The following PGR variants were observed in gnomAD, a reference collection of about 807,000 sequenced individuals.
PGR encodes the protein progesterone receptor, also known as nuclear receptor subfamily 3 group C member 3.
In PGR, 25 loss-of-function variants were observed where a neutral mutation model predicts 76.1. The ratio of observed to expected loss-of-function variants is 0.33; its 90% CI spans 0.24 to 0.46. The LOEUF is 0.46. Among genes scored for constraint, PGR ranks in the 20% least tolerant of loss-of-function variants. The pLI is 1.00. For synonymous variants in PGR, 579 were observed against 535.0 expected (o/e 1.08, Z -1.14); for missense variants, 1,172 against 1,225.3 (o/e 0.96, Z 0.65).
rs746231488 is a variant in PGR, at chr11:101,039,097, T to C, written c.*19A>G. 3 of 1,603,094 alleles carry C rather than the reference T, an allele frequency of 1.9e-6. No homozygotes were observed. Among genetic ancestry groups the C allele is most frequent in the Non-Finnish European group, 2.6e-6 (3 of 1,171,064 alleles). On this transcript the variant is annotated 3_prime_UTR_variant, in exon 8 of 8. Transcript: ENST00000325455. ...AGACATACCACAAAATTTAATTCTT[T>C]AAAAGAAAAAGATGACATTCACTTT...
At chr11:101,061,893 T>C (rs1860514508) in intron 4 of PGR, among the ~76,000 whole-genome samples, 1 of 152,196 alleles carries the variant, frequency 6.6e-6, no homozygotes, top group African/African-American at 2.4e-5. Context: ...CTGGGCGATA[T>C]ACTCTCTTTG....
rs570241374 is a variant in PGR at position 101,058,390 on chromosome 11, G to A, written c.2212+4057C>T. 2.6e-5 allele frequency among the ~76,000 whole-genome samples: 4 copies of A among 151,912 alleles called. No individual in the cohort carries two copies. The South Asian group carries it at 6.2e-4, about 24-fold the overall frequency. On this transcript the variant is annotated intron_variant, in intron 4 of 7. Coordinates refer to ENST00000325455, the MANE Select transcript of PGR (RefSeq NM_000926.4). ...ATAATTTAATTTAGTCTTCTGATTC[G>A]GGAAGGAAGAGAAAAAATCCTCTGT...
chr11:101,051,588 A>G lies in PGR; in HGVS notation c.2213-20T>C. ...GAAAACCTACAAAACAAATTTAAAAATACAGTGACCATAAAAATGACTGAA... is the reference window on the plus strand; with the variant it reads ...GAAAACCTACAAAACAAATTTAAAAGTACAGTGACCATAAAAATGACTGAA... On this transcript the variant is annotated intron_variant, in intron 4 of 7. Transcript: ENST00000325455. The G allele has an allele frequency of 6.4e-7, 1 of 1,564,942 alleles. No individual in the cohort carries two copies. The highest frequency in any genetic ancestry group is 8.8e-7 in the Non-Finnish European group (1 of 1,136,288).
intron 3 of PGR, among the ~76,000 whole-genome samples, chr11:101,080,896 G>A (rs896713959): frequency 1.3e-5 from 2 of 151,888 alleles, no homozygotes; most frequent in African/African-American, 4.8e-5. Context: ...CTTGAAGGCT[G>A]GTCTTGTGAA....
intron 2 of PGR, among the ~76,000 whole-genome samples, chr11:101,100,558 C>A (rs1337444139): frequency 6.6e-6 from 1 of 151,706 alleles, no homozygotes; most frequent in African/African-American, 2.4e-5. Flanking sequence ...GTCTACAAAG[C>A]AGGTTTTGTT....
rs747345185 is a variant in PGR, at chr11:101,039,277, G to C, written c.2647-6C>G. On this transcript the variant is annotated splice_polypyrimidine_tract_variant and splice_region_variant and intron_variant, in intron 7 of 7. Coordinates refer to ENST00000325455, the MANE Select transcript of PGR (RefSeq NM_000926.4). ...AGATGAAGTTGTTTGACAAGCTGTT[G>C]GTTTAACAAATGAGTAGAAAACATG... The C allele has an allele frequency of 1.9e-6, 3 of 1,602,682 alleles. No individual in the cohort carries two copies. Among genetic ancestry groups the C allele is most frequent in the Admixed American group, 1.7e-5 (1 of 59,770 alleles).
intron 3 of PGR, among the ~76,000 whole-genome samples, chr11:101,065,593 G>A (rs1280182298): frequency 6.6e-6 from 1 of 152,254 alleles, no homozygotes; most frequent in Non-Finnish European, 1.5e-5. Context: ...AGTTTAGAAT[G>A]ACTTTGTATT....
chr11:101,112,585 A>C (rs973961404), intron 2 of PGR, among the ~76,000 whole-genome samples: 13 of 152,182 alleles, frequency 8.5e-5, no homozygotes, highest in African/African-American at 3.1e-4. Flanking sequence ...AAGTGAGGAC[A>C]GGGGAGTGCT....
intron 2 of PGR, among the ~76,000 whole-genome samples, chr11:101,118,411 A>G (rs1031010218): frequency 6.6e-6 from 1 of 152,222 alleles, no homozygotes; most frequent in African/African-American, 2.4e-5. Flanking sequence ...TACTCACTAC[A>G]TGTGTATTCT....
At chr11:101,099,255 A>G (rs1393567371) in intron 2 of PGR, among the ~76,000 whole-genome samples, 1 of 152,226 alleles carries the variant, frequency 6.6e-6, no homozygotes, top group Non-Finnish European at 1.5e-5. Context: ...GTCTAGCTCC[A>G]TGCAAAATGT....
intron 3 of PGR, among the ~76,000 whole-genome samples, chr11:101,081,851 A>C (rs560531380): frequency 6.6e-6 from 1 of 152,238 alleles, no homozygotes; most frequent in Non-Finnish European, 1.5e-5. Flanking sequence ...AAAACACAAT[A>C]GAAACAACAA....
intron 2 of PGR, among the ~76,000 whole-genome samples, chr11:101,099,549 T>G: frequency 6.6e-6 from 1 of 151,942 alleles, no homozygotes; most frequent in South Asian, 2.1e-4. Flanking sequence ...TCAATAAAAG[T>G]TTCTTTCTTT....
At chr11:101,078,558 T>C (rs1200673006) in intron 3 of PGR, among the ~76,000 whole-genome samples, 1 of 152,156 alleles carries the variant, frequency 6.6e-6, no homozygotes, top group Non-Finnish European at 1.5e-5. Context: ...TCCTTAAGGG[T>C]GTAACTATCT....
rs11571278 is a variant in PGR at position 101,037,846 on chromosome 11, C to T, written c.*1270G>A. 1,718 of 221,910 alleles carry T rather than the reference C, an allele frequency of 7.7e-3. 34 individuals carry two copies. Among genetic ancestry groups the T allele is most frequent in the African/African-American group, 0.036 (1,603 of 44,808 alleles). The allele number at this position is 221,910 out of a possible 1,614,324, so 13.7% of individuals were successfully genotyped here. On this transcript the variant is annotated 3_prime_UTR_variant, in exon 8 of 8. Coordinates refer to ENST00000325455, the MANE Select transcript of PGR (RefSeq NM_000926.4). ...GAGAAAATGTCATTCAACTCTCAGT[C>T]AGCAAACACTATTGACCACTTTATA...
rs1185585529 is a variant in PGR at position 101,035,255 on chromosome 11, G to T, written c.*3861C>A. The T allele has an allele frequency of 8.9e-6, 2 of 225,490 alleles. No homozygotes were observed. 14.0% of individuals were successfully genotyped at this position (225,490 alleles called of 1,614,324 possible). On this transcript the variant is annotated 3_prime_UTR_variant, in exon 8 of 8. Coordinates refer to ENST00000325455, the MANE Select transcript of PGR (RefSeq NM_000926.4). Reference sequence around the variant, plus strand: ...AATTTGAAAAAAAATGTATGTTTTGGCAAGTTTTGAATGCTTCTTATGCAC... The same window carrying T: ...AATTTGAAAAAAAATGTATGTTTTGTCAAGTTTTGAATGCTTCTTATGCAC...
At chr11:101,050,832 ATTG>A (rs1415034070) in intron 5 of PGR, 1 of 162,650 alleles carries the variant, frequency 6.1e-6, no homozygotes. Context: ...ATCTCAAGGA[ATTG>A]TTGGATAAAA....
intron 3 of PGR, among the ~76,000 whole-genome samples, chr11:101,070,477 C>T (rs138111261): frequency 0.017 from 2,546 of 152,248 alleles, 33 homozygotes; most frequent in Non-Finnish European, 0.022. Context: ...GAGACAGAAC[C>T]ATTCACTCCC....
At chr11:101,041,859 C>G in intron 7 of PGR, 86 bp downstream of exon 7, 2 of 1,206,998 alleles carry the variant, frequency 1.7e-6, no homozygotes, top group Non-Finnish European at 2.4e-6. Flanking sequence ...GAAAATCATA[C>G]AAAGTAAAAT....
At chr11:101,042,628 C>A (rs1451356419) in intron 6 of PGR, among the ~76,000 whole-genome samples, 1 of 152,042 alleles carries the variant, frequency 6.6e-6, no homozygotes, top group Non-Finnish European at 1.5e-5. Context: ...TAATGCCTTC[C>A]TGCTGATATG....
Sources: allele counts gnomAD v4.1 joint callset (sites outside exome capture counted in the v4.1 genomes callset), GRCh38; gene constraint gnomAD v4.1.1; transcripts MANE v1.5; gene names NCBI Gene and HGNC (gene_info 2026-07-23, HGNC 2026-07-21).